Variants in KIF4A observed in about 807,000 individuals in gnomAD.
KIF4A encodes kinesin family member 4A.
A neutral mutation model predicts 105.9 loss-of-function variants in KIF4A; 7 were observed. That is an observed-to-expected ratio of 0.07 (90% CI 0.04 to 0.12). KIF4A has a LOEUF of 0.12. KIF4A is among the 10% of genes least tolerant of loss of function. The probability of loss-of-function intolerance (pLI) is 1.00; values close to 1 mark genes in which losing one functional copy is unlikely to be tolerated. For missense variants in KIF4A, 558 were observed against 929.2 expected, an observed-to-expected ratio of 0.60 and a Z score of 5.19; for synonymous variants, 281 against 331.3, an observed-to-expected ratio of 0.85 and a Z score of 1.65.
chrX:70,373,278 G>A, intron 15 of KIF4A, among the ~76,000 whole-genome samples: 1 of 93,090 alleles, frequency 1.1e-5, no homozygotes. Context: ...TCAAAAGAAA[G>A]AAAGAGACAG....
At chrX:70,294,899 C>G (rs2085775141) in intron 3 of KIF4A, among the ~76,000 whole-genome samples, 1 of 111,917 alleles carries the variant, frequency 8.9e-6, no homozygotes, top group Non-Finnish European at 1.9e-5. Context: ...TGGCGAAACT[C>G]GTCTCTACCA....
intron 22 of KIF4A, among the ~76,000 whole-genome samples, chrX:70,397,326 T>A (rs148580240): frequency 0.011 from 1,199 of 109,997 alleles, 15 homozygotes; most frequent in African/African-American, 0.032. Flanking sequence ...GCCGAGATCG[T>A]GCCACTGCAC....
chrX:70,414,991 C>T (rs1337328750), intron 28 of KIF4A, among the ~76,000 whole-genome samples: 1 of 112,181 alleles, frequency 8.9e-6, no homozygotes, highest in African/African-American at 3.2e-5. Flanking sequence ...GATCACTCAC[C>T]TCTTTTTTGT....
At chrX:70,293,789 G>T (rs771847324) in intron 3 of KIF4A, among the ~76,000 whole-genome samples, 14 of 112,184 alleles carry the variant, frequency 1.2e-4, no homozygotes, top group Admixed American at 6.6e-4. Flanking sequence ...CAATTACCGT[G>T]AATGGAGCTT....
At chrX:70,337,928 A>G (rs2085957200) in intron 10 of KIF4A, among the ~76,000 whole-genome samples, 1 of 111,092 alleles carries the variant, frequency 9.0e-6, no homozygotes, top group Non-Finnish European at 1.9e-5. Context: ...TCACCAATGT[A>G]TTTTTTTTAT....
chrX:70,369,117 G>A (rs2086118770), intron 15 of KIF4A, among the ~76,000 whole-genome samples: 1 of 112,286 alleles, frequency 8.9e-6, no homozygotes, highest in South Asian at 3.7e-4. Flanking sequence ...ATTAGGGTCG[G>A]AGTGACCCGA....
chrX:70,310,723 G>T (rs1555945573), intron 7 of KIF4A, among the ~76,000 whole-genome samples: 1 of 110,937 alleles, frequency 9.0e-6, no homozygotes, highest in East Asian at 2.8e-4. Context: ...ACGTTTTTTT[G>T]TATGCTCTGG....
chrX:70,363,974 A>G (rs1417047999), intron 15 of KIF4A, among the ~76,000 whole-genome samples: 1 of 111,880 alleles, frequency 8.9e-6, no homozygotes, highest in Non-Finnish European at 1.9e-5. Context: ...TTTGATTTGC[A>G]TTTCTCTGAT....
At chrX:70,376,898 A>G (rs969271399) in intron 18 of KIF4A, among the ~76,000 whole-genome samples, 2 of 111,851 alleles carry the variant, frequency 1.8e-5, no homozygotes, top group African/African-American at 6.5e-5. Flanking sequence ...TGTAATATTG[A>G]GAAACAGAGG....
intron 18 of KIF4A, among the ~76,000 whole-genome samples, chrX:70,382,869 G>A (rs2086202832): frequency 9.1e-6 from 1 of 110,127 alleles, no homozygotes; most frequent in Non-Finnish European, 1.9e-5. Context: ...GCTGATAAGA[G>A]TCTTATATCC....
intron 13 of KIF4A, among the ~76,000 whole-genome samples, chrX:70,346,217 C>T (rs2085992075): frequency 8.9e-6 from 1 of 112,137 alleles, no homozygotes; most frequent in African/African-American, 3.2e-5. Context: ...GTATAGAGTA[C>T]TTGTTAGACA....
At chrX:70,328,516 C>T (rs927120991) in intron 7 of KIF4A, among the ~76,000 whole-genome samples, 7 of 111,820 alleles carry the variant, frequency 6.3e-5, no homozygotes, top group African/African-American at 1.9e-4. Context: ...TTGGAGGAGA[C>T]GCAAACATTT....
At chrX:70,322,926 G>A (rs756837625) in intron 7 of KIF4A, among the ~76,000 whole-genome samples, 1 of 109,904 alleles carries the variant, frequency 9.1e-6, no homozygotes, top group East Asian at 2.9e-4. Flanking sequence ...AGCAGCCAGA[G>A]TATTCTTCCT....
At chrX:70,416,280 A>C (rs1327617920) in intron 28 of KIF4A, among the ~76,000 whole-genome samples, 2 of 105,346 alleles carry the variant, frequency 1.9e-5, no homozygotes, top group South Asian at 8.5e-4. Flanking sequence ...TGGGACAGCC[A>C]TTTCAAGCTG....
At chrX:70,373,519 T>C in intron 15 of KIF4A, among the ~76,000 whole-genome samples, 1 of 3,745 alleles carries the variant, frequency 2.7e-4, no homozygotes, top group African/African-American at 3.5e-3. Context: ...TACATGTGTG[T>C]GTATGTATAT....
rs770862775 is a variant in KIF4A at position 70,377,910 on chromosome X, T to G, written c.2034+1700T>G. Among the ~76,000 whole-genome samples, 3 of 112,335 alleles carry G rather than the reference T, an allele frequency of 2.7e-5. No individual in the cohort carries two copies. In the East Asian group the frequency reaches 8.3e-4, roughly 31 times the overall value. The stretch of plus-strand genomic sequence containing the variant: ...GATCGTGCCACTGCACTCCAGCCTG[T>G]GCAACAGAGCAAGACTCCGTCTCAA... On this transcript the variant is annotated intron_variant, in intron 18 of 30. Transcript: ENST00000374403.
chrX:70,415,792 T>G (rs2086341039), intron 28 of KIF4A, among the ~76,000 whole-genome samples: 1 of 109,005 alleles, frequency 9.2e-6, no homozygotes, highest in Admixed American at 9.9e-5. Context: ...TGAGGTTTTT[T>G]ATTGCTATTG....
At chrX:70,363,774 G>A (rs1194163542) in intron 15 of KIF4A, among the ~76,000 whole-genome samples, 2 of 111,881 alleles carry the variant, frequency 1.8e-5, no homozygotes, top group African/African-American at 3.3e-5. Flanking sequence ...GGATGGCTGG[G>A]TCAAATGGTA....
intron 20 of KIF4A, among the ~76,000 whole-genome samples, chrX:70,391,727 G>A (rs1022965342): frequency 1.1e-4 from 12 of 110,851 alleles, no homozygotes; most frequent in African/African-American, 3.9e-4. Context: ...CAGATAATCA[G>A]CATGATACCC....
Sources: gnomAD v4.1 joint callset for allele counts (sites outside exome capture counted in the v4.1 genomes callset) on GRCh38, gnomAD v4.1.1 for gene constraint, MANE v1.5 for transcripts, NCBI Gene and HGNC (gene_info 2026-07-23, HGNC 2026-07-21) for gene names.